Variants in CCDC32 observed in about 807,000 individuals in gnomAD.
CCDC32 encodes the protein coiled-coil domain-containing protein 32.
In CCDC32, 9 loss-of-function variants were observed where a neutral mutation model predicts 20.1. The ratio of observed to expected loss-of-function variants is 0.45; its 90% confidence interval spans 0.27 to 0.78. CCDC32 has a LOEUF of 0.78. CCDC32 is among the 30% of genes least tolerant of loss of function. CCDC32 has a pLI of 0.16. For missense variants in CCDC32, 204 were observed against 215.5 expected, an observed-to-expected ratio of 0.95 and a Z score of 0.33; for synonymous variants, 63 against 79.0, an observed-to-expected ratio of 0.80 and a Z score of 1.07.
chr15:40,563,837 T>C (rs1890830356), intron 1 of CCDC32, among the ~76,000 whole-genome samples: 1 of 151,586 alleles, frequency 6.6e-6, no homozygotes, highest in African/African-American at 2.4e-5. Context: ...TTTTTTTTTT[T>C]TGAGACAGAG....
At chr15:40,529,177 A>G (rs1032519628) in intron 3 of CCDC32, among the ~76,000 whole-genome samples, 1 of 152,200 alleles carries the variant, frequency 6.6e-6, no homozygotes, top group Non-Finnish European at 1.5e-5. Context: ...ACTCTCTGCC[A>G]GGGGTCTTAA....
At chr15:40,531,160 G>A (rs560431966), downstream of CCDC32, among the ~76,000 whole-genome samples, 393 of 151,560 alleles carry the variant, frequency 2.6e-3, 2 homozygotes, top group African/African-American at 9.1e-3. Context: ...AGACACTGGA[G>A]ACTTGGGAGG....
intron 3 of CCDC32, among the ~76,000 whole-genome samples, chr15:40,556,150 G>A (rs1276151359): frequency 6.6e-6 from 1 of 152,060 alleles, no homozygotes; most frequent in African/African-American, 2.4e-5. Context: ...CCTGAGTGTC[G>A]AGCCCCATTC....
downstream of CCDC32, chr15:40,534,559 C>G: frequency 4.6e-6 from 1 of 218,960 alleles, no homozygotes; most frequent in Non-Finnish European, 9.1e-6. Flanking sequence ...AAACTGCCCC[C>G]TTGATTCAGT....
downstream of CCDC32, among the ~76,000 whole-genome samples, chr15:40,551,013 G>T (rs1889831958): frequency 6.6e-6 from 1 of 152,054 alleles, no homozygotes; most frequent in African/African-American, 2.4e-5. Flanking sequence ...TTCTTAAACT[G>T]TTGTTTCTGA....
chr15:40,548,165 TG>T (rs1889699213), downstream of CCDC32, among the ~76,000 whole-genome samples: 1 of 152,216 alleles, frequency 6.6e-6, no homozygotes, highest in Non-Finnish European at 1.5e-5. Context: ...GGCTTTCTGA[TG>T]GGCTCAAGAA....
downstream of CCDC32, among the ~76,000 whole-genome samples, chr15:40,524,877 C>T (rs1894881507): frequency 6.6e-6 from 1 of 150,936 alleles, no homozygotes. Context: ...CAGGCCTATG[C>T]CACTATGCCC....
At chr15:40,558,625 C>G (rs1231529105) in intron 2 of CCDC32, among the ~76,000 whole-genome samples, 1 of 151,966 alleles carries the variant, frequency 6.6e-6, no homozygotes, top group Non-Finnish European at 1.5e-5. Context: ...CAAGCAGAAA[C>G]AGGCACTAAC....
chr15:40,559,057 G>A (rs1189834505), intron 2 of CCDC32, among the ~76,000 whole-genome samples: 1 of 150,888 alleles, frequency 6.6e-6, no homozygotes, highest in Non-Finnish European at 1.5e-5. Context: ...GCCTGCCTCG[G>A]CCTCCCAAAT....
At chr15:40,552,992 G>T, downstream of CCDC32, 3 of 447,700 alleles carry the variant, frequency 6.7e-6, no homozygotes, top group Non-Finnish European at 8.8e-6. Flanking sequence ...CAGGAGGCTG[G>T]CAAAGTGGCC....
At chr15:40,532,288 T>G (rs75117134), downstream of CCDC32, 1 of 703,130 alleles carries the variant, frequency 1.4e-6, no homozygotes, top group African/African-American at 1.7e-5. Context: ...AATTCTACTT[T>G]GCAATTGTAG....
chr15:40,553,814 G>A lies in CCDC32; in HGVS notation c.*157C>T, dbSNP rs1595890879. ...CTTGCAGCTGTTTTCTTTGTGGAGT[G>A]GAAATTTGGGTTTTTTCCTTCAGTG... On this transcript the variant is annotated 3_prime_UTR_variant, in exon 4 of 4. Coordinates refer to ENST00000416810, the MANE Select transcript of CCDC32 (RefSeq NM_001080792.4). 5.7e-6 allele frequency: 8 copies of A among 1,402,084 alleles called. No individual in the cohort carries two copies. The African/African-American group carries it at 7.2e-5, about 13-fold the overall frequency. 86.9% of individuals were successfully genotyped at this position (1,402,084 alleles called of 1,614,324 possible). A position where few individuals can be genotyped will look rare whatever the true frequency, so the allele number is the denominator to read the frequency against.
Position 40,556,135 on chromosome 15 carries a change from G to A in CCDC32, c.401+1081C>T, listed in dbSNP as rs937131315. ...CATACAACCAGTAAGTGGCAGAGCC[G>A]ATTTCCTGAGTGTCGAGCCCCATTC... On this transcript the variant is annotated intron_variant, in intron 3 of 3. Coordinates refer to ENST00000416810, the MANE Select transcript of CCDC32 (RefSeq NM_001080792.4). Among the ~76,000 whole-genome samples the A allele has an allele frequency of 3.9e-5, 6 of 152,338 alleles. No homozygotes were observed. In the South Asian group the frequency reaches 8.3e-4, roughly 21 times the overall value.
chr15:40,539,947 C>T (rs574411292), intron 3 of CCDC32, among the ~76,000 whole-genome samples: 16 of 151,814 alleles, frequency 1.1e-4, no homozygotes, highest in African/African-American at 3.9e-4. Flanking sequence ...AGCCTCACTT[C>T]GCCCAGGTGG....
intron 3 of CCDC32, among the ~76,000 whole-genome samples, chr15:40,542,639 C>CGGGAG (rs1661664070): frequency 6.6e-6 from 1 of 151,336 alleles, no homozygotes; most frequent in African/African-American, 2.4e-5. Context: ...GAGGCTGAGG[C>CGGGAG]GGGAGGATCA....
At position 40,563,704 on chromosome 15, in the gene CCDC32, ACAC is replaced by A. The variant is rs1171226459; in HGVS notation, c.-12-680_-12-678del. 2.1e-3 allele frequency among the ~76,000 whole-genome samples: 187 copies of A among 87,806 alleles called. 1 individual carries two copies. In the Middle Eastern group the frequency reaches 0.025, roughly 12 times the overall value. The allele number at this position is 87,806 out of a possible 152,430, so 57.6% of individuals were successfully genotyped here. The stretch of plus-strand genomic sequence containing the variant: ...CACACACACACACACACACACACAC[ACAC>A]AAATCTGTAGGGCATTTCCAGGTTG... On this transcript the variant is annotated intron_variant, in intron 1 of 3. Transcript: ENST00000416810.
At chr15:40,525,800 G>A (rs1894893054), downstream of CCDC32, among the ~76,000 whole-genome samples, 1 of 152,324 alleles carries the variant, frequency 6.6e-6, no homozygotes, top group East Asian at 1.9e-4. Context: ...GTGGCCTCTG[G>A]CCTGGGTTCT....
At chr15:40,535,465 T>G, downstream of CCDC32, 1 of 988,966 alleles carries the variant, frequency 1.0e-6, no homozygotes. Context: ...GTTTACAAAT[T>G]TATATTTTGA....
At chr15:40,533,410 C>T (rs1035526586), downstream of CCDC32, among the ~76,000 whole-genome samples, 13 of 151,972 alleles carry the variant, frequency 8.6e-5, no homozygotes, top group African/African-American at 2.2e-4. Context: ...AGTGCAGTGG[C>T]GTGATCTCAG....
Sources: gnomAD v4.1 joint callset for allele counts (sites outside exome capture counted in the v4.1 genomes callset) on GRCh38, gnomAD v4.1.1 for gene constraint, MANE v1.5 for transcripts, NCBI Gene and HGNC (gene_info 2026-07-23, HGNC 2026-07-21) for gene names.